UBR7: variants seen among roughly 807,000 people sequenced by gnomAD.
UBR7 encodes the protein ubiquitin protein ligase E3 component n-recognin 7.
A neutral mutation model predicts 57.0 loss-of-function variants in UBR7; 22 were observed. That is an observed-to-expected ratio of 0.39 (90% CI 0.28 to 0.55). UBR7 has a LOEUF of 0.55. Among genes scored for constraint, UBR7 ranks in the 20% least tolerant of loss-of-function variants. The pLI, the probability that UBR7 is intolerant of heterozygous loss-of-function variation, is 0.69. For missense variants in UBR7, 395 were observed against 513.2 expected (o/e 0.77, Z 2.23); for synonymous variants, 167 against 179.8 (o/e 0.93, Z 0.57).
intron 2 of UBR7, 54 bp downstream of exon 2, chr14:93,210,011 CCATCTA>C: frequency 6.3e-7 from 1 of 1,586,278 alleles, no homozygotes; most frequent in East Asian, 2.2e-5. Context: ...AGATTCTTTC[CCATCTA>C]CACTTTTTCC....
intron 10 of UBR7, among the ~76,000 whole-genome samples, chr14:93,222,874 A>T (rs956377645): frequency 1.3e-5 from 2 of 152,304 alleles, no homozygotes; most frequent in Non-Finnish European, 2.9e-5. Flanking sequence ...GGCAGTCCTT[A>T]CCAACCCCAG....
Position 93,207,400 on chromosome 14 carries a change from G to T in UBR7, c.109G>T (p.Val37Phe). ...DEELENEACA[V>F]LGGSDSEKCS... ...GGAGCTGGAGAATGAGGCGTGCGCT[G>T]TCCTGGGCGGCAGCGACTCCGAGAA... The change falls in exon 1 of 11, where the codon GTC (valine) becomes TTC (phenylalanine). Residue 37 changes from valine (V) to phenylalanine (F), a missense_variant. Coordinates refer to ENST00000013070, the MANE Select transcript of UBR7 (RefSeq NM_175748.4). 6.4e-7 allele frequency: 1 copy of T among 1,553,620 alleles called. No individual in the cohort carries two copies. The highest frequency in any genetic ancestry group is 1.2e-5 in the South Asian group (1 of 83,356).
chr14:93,221,244 G>T (rs1452388305), intron 9 of UBR7, among the ~76,000 whole-genome samples: 3 of 151,982 alleles, frequency 2.0e-5, no homozygotes, highest in African/African-American at 7.3e-5. Context: ...CCAAGTAGCT[G>T]GGATTACAGG....
In UBR7 at chr14:93,209,938, T is replaced by C. The variant is rs780773371; in HGVS notation, c.265T>C (p.Phe89Leu). ...TGAATGTCATGGAAGTCACAAACTA[T>C]TTGAGCTATACACAAAAAGGTAAAC... ...SYECHGSHKL[F>L]ELYTKRNFRC... The change falls in exon 2 of 11, where the codon TTT becomes CTT. Residue 89 changes from phenylalanine (F) to leucine (L), a missense_variant. Physicochemically the swap from Phe to Leu is conservative, Grantham distance 22. Coordinates refer to ENST00000013070, the MANE Select transcript of UBR7 (RefSeq NM_175748.4). 1.2e-5 allele frequency: 19 copies of C among 1,613,906 alleles called. No individual in the cohort carries two copies. The East Asian group carries it at 3.8e-4, about 32-fold the overall frequency.
intron 7 of UBR7, 34 bp from the exon 8 acceptor site, chr14:93,219,178 A>G (rs1429466403): frequency 6.2e-7 from 1 of 1,610,526 alleles, no homozygotes. Flanking sequence ...ATGGTAGTTT[A>G]AAAAACATGC....
chr14:93,215,395 A>G, intron 6 of UBR7, 114 bp downstream of exon 6: 1 of 993,200 alleles, frequency 1.0e-6, no homozygotes, highest in Non-Finnish European at 1.6e-6. Flanking sequence ...ATAAAATAGT[A>G]TATGTTCTGG....
chr14:93,225,089 A>AT (rs1894820541), intron 10 of UBR7, among the ~76,000 whole-genome samples: 1 of 152,158 alleles, frequency 6.6e-6, no homozygotes, highest in Admixed American at 6.5e-5. Context: ...TTAGGAGAGA[A>AT]TTTTTTATCT....
chr14:93,215,314 A>C, intron 6 of UBR7, 33 bp downstream of exon 6: 1 of 1,525,226 alleles, frequency 6.6e-7, no homozygotes, highest in Non-Finnish European at 8.9e-7. Flanking sequence ...TGTGCCACAA[A>C]CTTGTGCTTG....
chr14:93,224,777 A>C (rs1894811377), intron 10 of UBR7, among the ~76,000 whole-genome samples: 1 of 152,196 alleles, frequency 6.6e-6, no homozygotes, highest in African/African-American at 2.4e-5. Context: ...GCTAGAACTA[A>C]GAATGTTCAT....
At chr14:93,219,519 C>A (rs1894661824) in intron 8 of UBR7, among the ~76,000 whole-genome samples, 158 bp downstream of exon 8, 1 of 152,152 alleles carries the variant, frequency 6.6e-6, no homozygotes, top group Non-Finnish European at 1.5e-5. Flanking sequence ...GTTTAGGAGA[C>A]CCTCCAAATT....
chr14:93,220,998 T>G (rs916859998), intron 9 of UBR7, among the ~76,000 whole-genome samples: 3 of 152,130 alleles, frequency 2.0e-5, no homozygotes, highest in Non-Finnish European at 4.4e-5. Context: ...CAGGCTGGAG[T>G]GCAATGGTGC....
chr14:93,207,287 T>C lies in UBR7; in HGVS notation c.-5T>C. ...GCCGAGCCGCTGTTCGGCTGACAGT[T>C]GAGGATGGCCGGAGCCGAGGGCGCC... On this transcript the variant is annotated 5_prime_UTR_variant, in exon 1 of 11. Transcript: ENST00000013070. 2 of 1,553,480 alleles carry C rather than the reference T, an allele frequency of 1.3e-6. No homozygotes were observed. Among genetic ancestry groups the C allele is most frequent in the East Asian group, 2.4e-5 (1 of 41,212 alleles).
At chr14:93,221,859 T>A (rs1008357630) in intron 9 of UBR7, among the ~76,000 whole-genome samples, 1 of 152,070 alleles carries the variant, frequency 6.6e-6, no homozygotes, top group African/African-American at 2.4e-5. Context: ...GGCGCGTGCC[T>A]GTAGTCCCAG....
At chr14:93,221,673 A>C (rs1319732611) in intron 9 of UBR7, among the ~76,000 whole-genome samples, 2 of 152,170 alleles carry the variant, frequency 1.3e-5, no homozygotes, top group Non-Finnish European at 2.9e-5. Flanking sequence ...TACATAATAT[A>C]AACTGTTAAG....
intron 1 of UBR7, 138 bp from the exon 2 acceptor site, chr14:93,209,686 C>A (rs1426889510): frequency 8.7e-7 from 1 of 1,155,388 alleles, no homozygotes; most frequent in Non-Finnish European, 1.2e-6. Context: ...GTTGTGTAAA[C>A]TTTTTAGTCT....
chr14:93,223,771 G>T, intron 10 of UBR7: 2 of 745,668 alleles, frequency 2.7e-6, no homozygotes, highest in Non-Finnish European at 2.4e-6. Context: ...GATGGAATGG[G>T]CCCAGGTGCG....
chr14:93,219,412 C>G, intron 8 of UBR7, 51 bp downstream of exon 8: 2 of 1,609,090 alleles, frequency 1.2e-6, no homozygotes, highest in African/African-American at 1.3e-5. Flanking sequence ...TACTGGTGCC[C>G]CAAAATAAGA....
intron 1 of UBR7, among the ~76,000 whole-genome samples, chr14:93,207,683 G>T (rs948920212): frequency 6.6e-6 from 1 of 152,060 alleles, no homozygotes; most frequent in Non-Finnish European, 1.5e-5. Flanking sequence ...TGTCCGGCCC[G>T]CCAGGAAGGG....
At chr14:93,218,094 CAA>C (rs33950162) in intron 6 of UBR7, among the ~76,000 whole-genome samples, 10 of 134,456 alleles carry the variant, frequency 7.4e-5, no homozygotes, top group Admixed American at 7.6e-5. Flanking sequence ...AACTCTATCT[CAA>C]AAAAAAAAAA....
Sources: allele counts gnomAD v4.1 joint callset (sites outside exome capture counted in the v4.1 genomes callset), GRCh38; gene constraint gnomAD v4.1.1; transcripts MANE v1.5; gene names NCBI Gene and HGNC (gene_info 2026-07-23, HGNC 2026-07-21).